KIF6: variants seen among roughly 807,000 people sequenced by gnomAD.
KIF6 encodes kinesin-like protein KIF6.
Under a neutral mutation model 112.7 loss-of-function variants are expected in KIF6, and 106 were observed. The ratio of observed to expected loss-of-function variants is 0.94; its 90% confidence interval spans 0.80 to 1.11. KIF6 has a LOEUF of 1.11. Ranked by LOEUF, KIF6 falls within the 50% of genes least tolerant of loss-of-function variation. The pLI is 0.00. For missense variants in KIF6, 929 were observed against 964.0 expected, an observed-to-expected ratio of 0.96 and a Z score of 0.48; for synonymous variants, 339 against 339.9, an observed-to-expected ratio of 1.00 and a Z score of 0.03.
chr6:39,417,563 G>C (rs1199568539), intron 15 of KIF6, among the ~76,000 whole-genome samples: 1 of 152,226 alleles, frequency 6.6e-6, no homozygotes, highest in African/African-American at 2.4e-5. Context: ...TCTCTGGGCA[G>C]ATCAAATGAC....
intron 13 of KIF6, among the ~76,000 whole-genome samples, chr6:39,472,104 C>T (rs913904566): frequency 2.0e-5 from 3 of 152,152 alleles, no homozygotes; most frequent in Admixed American, 6.5e-5. Flanking sequence ...GAGCTGTCAG[C>T]GTTCCTTGGC....
rs1771137901 is a variant in KIF6, at chr6:39,431,257, C to G, written c.1646-96G>C. The G allele has an allele frequency of 4.5e-5, 31 of 695,936 alleles. No homozygotes were observed. The South Asian group carries it at 5.3e-4, about 12-fold the overall frequency. 43.1% of individuals were successfully genotyped at this position (695,936 alleles called of 1,614,324 possible). A position where few individuals can be genotyped will look rare whatever the true frequency, so the allele number is the denominator to read the frequency against. ...TCAGACCACAAAACCAGCCCTGGCT[C>G]CAAGAGGCCCACAGCAGAGAGACTC... On this transcript the variant is annotated intron_variant, in intron 13 of 22. Coordinates refer to ENST00000287152, the MANE Select transcript of KIF6 (RefSeq NM_145027.6).
Position 39,332,767 on chromosome 6 carries a change from C to T in KIF6, c.*3765G>A, listed in dbSNP as rs1354848849. The T allele has an allele frequency of 2.0e-5, 3 of 151,138 alleles. No homozygotes were observed. The highest frequency in any genetic ancestry group is 7.4e-5 in the African/African-American group (3 of 40,704). The allele number at this position is 151,138 out of a possible 1,614,324, so 9.4% of individuals were successfully genotyped here. On this transcript the variant is annotated 3_prime_UTR_variant, in exon 23 of 23. Transcript: ENST00000287152. ...GGTAACCCTCTGAAGATCTCCAGAG[C>T]ATGCTCTCTCTCTTTCTCTCTCTTT...
intron 18 of KIF6, among the ~76,000 whole-genome samples, 200 bp from the exon 19 acceptor site, chr6:39,357,574 G>A (rs1231825700): frequency 3.3e-5 from 5 of 151,202 alleles, no homozygotes; most frequent in Admixed American, 2.0e-4. Flanking sequence ...TCAGCCTCCC[G>A]AGTAGCTGGG....
At chr6:39,611,267 C>T (rs1400836305) in intron 6 of KIF6, among the ~76,000 whole-genome samples, 2 of 152,052 alleles carry the variant, frequency 1.3e-5, no homozygotes, top group Non-Finnish European at 2.9e-5. Context: ...ATCACACACA[C>T]CATGGCACTC....
intron 19 of KIF6, among the ~76,000 whole-genome samples, chr6:39,350,584 G>A (rs1025496730): frequency 6.6e-6 from 1 of 152,144 alleles, no homozygotes; most frequent in African/African-American, 2.4e-5. Context: ...GGCCAGTGCT[G>A]TCTCCCTTGG....
intron 13 of KIF6, among the ~76,000 whole-genome samples, chr6:39,460,198 A>AAAATGATG (rs1249315692): frequency 8.1e-5 from 11 of 135,542 alleles, no homozygotes; most frequent in African/African-American, 2.8e-4. Context: ...GCAGCCATAA[A>AAAATGATG]AAATGATGAG....
At chr6:39,595,456 T>C (rs1031283722) in intron 7 of KIF6, among the ~76,000 whole-genome samples, 3 of 152,218 alleles carry the variant, frequency 2.0e-5, no homozygotes, top group Admixed American at 6.5e-5. Flanking sequence ...TGTAGGGCTG[T>C]TGTGACGTTT....
intron 15 of KIF6, among the ~76,000 whole-genome samples, chr6:39,389,031 G>A (rs1170091398): frequency 3.3e-5 from 5 of 152,144 alleles, no homozygotes; most frequent in African/African-American, 9.7e-5. Context: ...GGGTGGCAGC[G>A]GGGAGCAGAG....
Position 39,725,265 on chromosome 6 carries a change from C to A in KIF6, c.46G>T (p.Val16Phe), listed in dbSNP as rs909413439. 1.9e-6 allele frequency: 3 copies of A among 1,610,186 alleles called. No individual in the cohort carries two copies. In the African/African-American group the frequency reaches 4.0e-5, roughly 22 times the overall value. The part of the protein sequence containing the change: ...IQIFARVKPP[V>F]RKHQQGIYSI... ...CGTACCCCTTGTTGGTGCTTCCGGA[C>A]AGGGGGCTTCACCCTCGCGAATATC... Residue 16 changes from valine (V) to phenylalanine (F), a missense_variant, in exon 1 of 23, where the codon GTC (valine) becomes TTC (phenylalanine). Physicochemically the swap from Val to Phe is conservative, Grantham distance 50. This residue lies in a region of KIF6 where 688 missense variants were observed against 662.7 expected (regional missense o/e 1.04). Coordinates refer to ENST00000287152, the MANE Select transcript of KIF6 (RefSeq NM_145027.6).
At chr6:39,554,879 C>T (rs541866905) in intron 10 of KIF6, 2 of 203,910 alleles carry the variant, frequency 9.8e-6, no homozygotes, top group South Asian at 2.0e-4. Context: ...CATGGTTACA[C>T]CTACAACCTG....
chr6:39,672,316 T>C (rs1383759568), intron 3 of KIF6, among the ~76,000 whole-genome samples: 1 of 152,202 alleles, frequency 6.6e-6, no homozygotes, highest in Non-Finnish European at 1.5e-5. Flanking sequence ...AATTAGCTTA[T>C]GGTAACATTG....
At chr6:39,527,254 A>G (rs1330038693) in intron 13 of KIF6, among the ~76,000 whole-genome samples, 1 of 152,186 alleles carries the variant, frequency 6.6e-6, no homozygotes, top group Non-Finnish European at 1.5e-5. Flanking sequence ...AGCACTGAGA[A>G]AGCTGGGAAG....
intron 19 of KIF6, 66 bp downstream of exon 19, chr6:39,357,211 G>T: frequency 1.1e-6 from 1 of 943,324 alleles, no homozygotes; most frequent in Non-Finnish European, 1.7e-6. Flanking sequence ...CACAGGAATA[G>T]GTTAAACAGA....
intron 13 of KIF6, among the ~76,000 whole-genome samples, chr6:39,502,941 A>C (rs1339202723): frequency 2.6e-5 from 4 of 152,144 alleles, no homozygotes; most frequent in Non-Finnish European, 2.9e-5. Context: ...TGAGACAGAA[A>C]ATTAACAAAG....
chr6:39,595,065 G>A (rs1782175486), intron 7 of KIF6, among the ~76,000 whole-genome samples: 1 of 152,044 alleles, frequency 6.6e-6, no homozygotes, highest in Non-Finnish European at 1.5e-5. Context: ...CACATACTGG[G>A]GTAGATTGTA....
At chr6:39,438,406 A>G (rs984914494) in intron 13 of KIF6, among the ~76,000 whole-genome samples, 19 of 152,236 alleles carry the variant, frequency 1.2e-4, no homozygotes, top group African/African-American at 4.3e-4. Flanking sequence ...TGAGAGCTCC[A>G]TGTGTGTTAC....
intron 10 of KIF6, among the ~76,000 whole-genome samples, chr6:39,563,250 G>T (rs1324402509): frequency 2.6e-5 from 4 of 152,026 alleles, no homozygotes; most frequent in African/African-American, 9.7e-5. Flanking sequence ...AAAAAGAAAA[G>T]AAAATTTAGA....
intron 15 of KIF6, among the ~76,000 whole-genome samples, chr6:39,404,853 T>C (rs922004504): frequency 2.6e-5 from 4 of 151,712 alleles, no homozygotes; most frequent in Non-Finnish European, 4.4e-5. Flanking sequence ...TTTATTAGAG[T>C]TTGTTGGGTT....
Sources: gnomAD v4.1 joint callset for allele counts (sites outside exome capture counted in the v4.1 genomes callset) on GRCh38, gnomAD v4.1.1 for gene constraint, gnomAD v4.1.1 regional missense constraint, MANE v1.5 for transcripts, NCBI Gene and HGNC (gene_info 2026-07-23, HGNC 2026-07-21) for gene names.